Variants in VSIG10 observed in about 807,000 individuals in gnomAD.
The protein encoded by VSIG10 is V-set and immunoglobulin domain-containing protein 10.
Under a neutral mutation model 58.7 loss-of-function variants are expected in VSIG10, and 48 were observed. The observed-to-expected ratio is 0.82, with a 90% CI of 0.65 to 1.04. The LOEUF (loss-of-function observed/expected upper bound fraction) is 1.04, where lower values mean the gene tolerates loss of function less well. Ranked by LOEUF, VSIG10 falls within the 50% of genes least tolerant of loss-of-function variation. The probability of loss-of-function intolerance (pLI) is 0.00; values close to 1 mark genes in which losing one functional copy is unlikely to be tolerated. For synonymous variants in VSIG10, 260 were observed against 267.1 expected (o/e 0.97, Z 0.26); for missense variants, 628 against 670.0 (o/e 0.94, Z 0.69).
chr12:118,071,235 T>A lies in VSIG10; in HGVS notation c.1330+124A>T, dbSNP rs566601022. 7 of 1,214,410 alleles carry A rather than the reference T, an allele frequency of 5.8e-6. No homozygotes were observed. In the South Asian group the frequency reaches 9.1e-5, roughly 16 times the overall value. The allele number at this position is 1,214,410 out of a possible 1,614,324, so 75.2% of individuals were successfully genotyped here. Reference sequence around the variant, plus strand: ...CTTAGGTGACTTATTACTGTGTATCTTGACCCAGCAAAGAAGCCCAGAGAA... The same window carrying A: ...CTTAGGTGACTTATTACTGTGTATCATGACCCAGCAAAGAAGCCCAGAGAA... On this transcript the variant is annotated intron_variant, in intron 6 of 8. Coordinates refer to ENST00000359236, the MANE Select transcript of VSIG10 (RefSeq NM_019086.6).
At position 118,069,523 on chromosome 12, in the gene VSIG10, TCAAGCAATTCTCCTGCTTCAACCTCCCA is replaced by T. The variant is rs2032399186; in HGVS notation, c.1347-954_1347-927del. ...TCACCGCAACCTCTGCCTCCCAGGT[TCAAGCAATTCTCCTGCTTCAACCTCCCA>T]AGCAGCTGGGATTACAGGCATGCGC... On this transcript the variant is annotated intron_variant, in intron 7 of 8. Transcript: ENST00000359236. Among the ~76,000 whole-genome samples, 3 of 147,952 alleles carry T rather than the reference TCAAGCAATTCTCCTGCTTCAACCTCCCA, an allele frequency of 2.0e-5. No individual in the cohort carries two copies. The East Asian group carries it at 6.1e-4, about 30-fold the overall frequency.
At chr12:118,084,090 A>G (rs2033048724) in intron 2 of VSIG10, among the ~76,000 whole-genome samples, 18 of 152,158 alleles carry the variant, frequency 1.2e-4, no homozygotes, top group Admixed American at 1.2e-3. Flanking sequence ...AGTACACTCC[A>G]GCCTGGGTGA....
Position 118,097,925 on chromosome 12 carries a change from A to G in VSIG10, c.80-2111T>C, listed in dbSNP as rs547585073. Among the ~76,000 whole-genome samples, 26 of 152,156 alleles carry G rather than the reference A, an allele frequency of 1.7e-4. No homozygotes were observed. The South Asian group carries it at 5.4e-3, about 32-fold the overall frequency. Reference sequence around the variant, plus strand: ...GTGACAAGAGTGAAACTCTGTCTCAAATAAATAAATAAACAAACTACATGG... The same window carrying G: ...GTGACAAGAGTGAAACTCTGTCTCAGATAAATAAATAAACAAACTACATGG... On this transcript the variant is annotated intron_variant, in intron 1 of 8. Transcript: ENST00000359236.
intron 1 of VSIG10, 88 bp downstream of exon 1, chr12:118,103,505 G>C (rs768487081): frequency 7.6e-7 from 1 of 1,319,278 alleles, no homozygotes; most frequent in Non-Finnish European, 1.0e-6. Flanking sequence ...GATCCGGGCG[G>C]AGTCGGAGGG....
intron 1 of VSIG10, among the ~76,000 whole-genome samples, chr12:118,096,836 C>T (rs1047958741): frequency 6.6e-6 from 1 of 151,670 alleles, no homozygotes; most frequent in Non-Finnish European, 1.5e-5. Context: ...GTCAGGAGTT[C>T]GAGACCAGCC....
chr12:118,090,084 C>T (rs1161322230), intron 2 of VSIG10, among the ~76,000 whole-genome samples: 3 of 152,132 alleles, frequency 2.0e-5, no homozygotes, highest in Admixed American at 6.6e-5. Context: ...GAGGCTGAGG[C>T]GGGCGGATCA....
intron 4 of VSIG10, among the ~76,000 whole-genome samples, chr12:118,078,480 T>C (rs1410420757): frequency 6.6e-6 from 1 of 151,868 alleles, no homozygotes; most frequent in Non-Finnish European, 1.5e-5. Flanking sequence ...TTAAAAAGAG[T>C]TTGGCACCTC....
chr12:118,080,470 T>C (rs1239776364), intron 3 of VSIG10, among the ~76,000 whole-genome samples: 1 of 152,170 alleles, frequency 6.6e-6, no homozygotes, highest in Non-Finnish European at 1.5e-5. Flanking sequence ...CCACTCTGCA[T>C]TTCTACCGTG....
Position 118,078,937 on chromosome 12 carries a change from TAAAAAAAAAAAAAA to T in VSIG10, c.925+395_925+408del, listed in dbSNP as rs35469920. On this transcript the variant is annotated intron_variant, in intron 4 of 8. Transcript: ENST00000359236. ...CTGGGCAACAGAGCAAGACTCTGCC[TAAAAAAAAAAAAAA>T]AAAAAAAAAAAAAAAAATTTTCTTT... Among the ~76,000 whole-genome samples the T allele has an allele frequency of 5.5e-4, 22 of 39,910 alleles. 1 individual carries two copies. The highest frequency in any genetic ancestry group is 1.6e-3 in the African/African-American group (17 of 10,764). The allele number at this position is 39,910 out of a possible 152,430, so 26.2% of individuals were successfully genotyped here.
At chr12:118,083,851 G>A (rs984434029) in intron 2 of VSIG10, among the ~76,000 whole-genome samples, 5 of 152,008 alleles carry the variant, frequency 3.3e-5, no homozygotes, top group Non-Finnish European at 5.9e-5. Flanking sequence ...GCCAGGGACG[G>A]TGGCTCATGC....
chr12:118,080,172 T>C (rs1256786597), intron 3 of VSIG10, among the ~76,000 whole-genome samples: 2 of 151,668 alleles, frequency 1.3e-5, no homozygotes, highest in Admixed American at 1.3e-4. Context: ...CTTTTCTTTT[T>C]TTTTTTTAAT....
In VSIG10 at chr12:118,065,998, G is replaced by A. The variant is rs2137819790; in HGVS notation, c.*641C>T. On this transcript the variant is annotated 3_prime_UTR_variant, in exon 9 of 9. Transcript: ENST00000359236. ...GAGAGAGGTAAAGAGTCGTGCTCTA[G>A]CCCATGAAAGAAGGAAGCAACAGAG... 1.3e-5 allele frequency: 2 copies of A among 152,990 alleles called. No individual in the cohort carries two copies. The highest frequency in any genetic ancestry group is 2.1e-4 in the South Asian group (1 of 4,878). 9.5% of individuals were successfully genotyped at this position (152,990 alleles called of 1,614,324 possible).
intron 6 of VSIG10, 120 bp from the exon 7 acceptor site, chr12:118,071,187 T>C: frequency 7.9e-7 from 1 of 1,267,576 alleles, no homozygotes; most frequent in African/African-American, 1.5e-5. Context: ...ATATGACAGG[T>C]GATAGGGTGT....
intron 1 of VSIG10, 101 bp from the exon 2 acceptor site, chr12:118,095,915 T>TATATGTTC: frequency 7.7e-7 from 1 of 1,301,156 alleles, no homozygotes; most frequent in East Asian, 2.5e-5. Context: ...AAAAATCAGG[T>TATATGTTC]ATATGTTCTT....
At chr12:118,087,391 G>C (rs1033954445) in intron 2 of VSIG10, among the ~76,000 whole-genome samples, 40 of 151,986 alleles carry the variant, frequency 2.6e-4, no homozygotes, top group African/African-American at 8.5e-4. Flanking sequence ...GAGAAATCTA[G>C]CAACCTCCCT....
At chr12:118,074,144 G>A (rs941214836) in intron 4 of VSIG10, among the ~76,000 whole-genome samples, 152 bp from the exon 5 acceptor site, 2 of 152,122 alleles carry the variant, frequency 1.3e-5, no homozygotes, top group Non-Finnish European at 2.9e-5. Context: ...GTGCAGTGGT[G>A]CGATCTCAGC....
rs1379688334 is a variant in VSIG10 at position 118,096,426 on chromosome 12, A to G, written c.80-612T>C. 2.0e-5 allele frequency among the ~76,000 whole-genome samples: 3 copies of G among 151,990 alleles called. No individual in the cohort carries two copies. The East Asian group carries it at 5.9e-4, about 30-fold the overall frequency. On this transcript the variant is annotated intron_variant, in intron 1 of 8. Transcript: ENST00000359236. ...AAACCCTGTCTCTACTAAAAATACA[A>G]AATCAGCTGGGCGTGGTAGCACATG...
chr12:118,082,090 G>C (rs1221614059), intron 3 of VSIG10, 37 bp downstream of exon 3: 1 of 1,596,592 alleles, frequency 6.3e-7, no homozygotes, highest in Non-Finnish European at 8.6e-7. Flanking sequence ...AAAGGGTTAA[G>C]GGGAAGAAGC....
In VSIG10 at chr12:118,079,360, C is replaced by T. The variant is rs754200358; in HGVS notation, c.911G>A (p.Cys304Tyr). 1.2e-6 allele frequency: 2 copies of T among 1,614,002 alleles called. No individual in the cohort carries two copies. The highest frequency in any genetic ancestry group is 4.5e-5 in the East Asian group (2 of 44,888). ...HIVGPESGASCMVQIRGPSLL... is the reference protein window; with the variant it reads ...HIVGPESGASYMVQIRGPSLL... Reference sequence around the variant, plus strand: ...AACAGACTCACTGATCTGCACCATGCAGCTGGCGCCCGACTCTGGCCCAAC... The same window carrying T: ...AACAGACTCACTGATCTGCACCATGTAGCTGGCGCCCGACTCTGGCCCAAC... Residue 304 changes from cysteine (C) to tyrosine (Y), a missense_variant, in exon 4 of 9, where the codon TGC becomes TAC. Physicochemically the swap from Cys to Tyr is radical, Grantham distance 194. Transcript: ENST00000359236.
Sources: gnomAD v4.1 joint callset for allele counts (sites outside exome capture counted in the v4.1 genomes callset) on GRCh38, gnomAD v4.1.1 for gene constraint, MANE v1.5 for transcripts, NCBI Gene and HGNC (gene_info 2026-07-23, HGNC 2026-07-21) for gene names.